Variants in RDH10 observed in about 807,000 individuals in gnomAD.
RDH10 encodes retinol dehydrogenase 10 (all-trans).
A neutral mutation model predicts 30.2 loss-of-function variants in RDH10; 12 were observed. The ratio of observed to expected loss-of-function variants is 0.40; its 90% CI spans 0.25 to 0.64. The LOEUF is 0.64. Ranked by LOEUF, RDH10 falls within the 30% of genes least tolerant of loss-of-function variation. The pLI is 0.43. For missense variants in RDH10, 268 were observed against 445.2 expected (o/e 0.60, Z 3.58); for synonymous variants, 189 against 172.2 (o/e 1.10, Z -0.76).
rs888466679 is a variant in RDH10 at position 73,294,948 on chromosome 8, C to T, written c.-342C>T. The T allele has an allele frequency of 5.1e-6, 2 of 393,078 alleles. No individual in the cohort carries two copies. Among genetic ancestry groups the T allele is most frequent in the Non-Finnish European group, 9.0e-6 (2 of 222,534 alleles). 24.3% of individuals were successfully genotyped at this position (393,078 alleles called of 1,614,324 possible). A position where few individuals can be genotyped will look rare whatever the true frequency, so the allele number is the denominator to read the frequency against. The stretch of plus-strand genomic sequence containing the variant: ...CAGCAGCTTGGCCATGAGGGCAGTT[C>T]GAGTAGTCTAACTCGCGGCTGTCAC... On this transcript the variant is annotated 5_prime_UTR_variant, in exon 1 of 6. An upstream open reading frame in the 5' UTR gains an earlier in-frame stop. Transcript: ENST00000240285.
chr8:73,300,310 CAG>C (rs1466816725), intron 2 of RDH10: 1 of 152,294 alleles, frequency 6.6e-6, no homozygotes, highest in East Asian at 1.9e-4. Context: ...AATTTTTTAA[CAG>C]GGGTTAAGGA....
At chr8:73,313,266 C>G (rs550331655) in intron 2 of RDH10, 1 of 152,316 alleles carries the variant, frequency 6.6e-6, no homozygotes, top group East Asian at 1.9e-4. Flanking sequence ...AAAGATTTCT[C>G]GAGCTATGAC....
At position 73,323,046 on chromosome 8, in the gene RDH10, T is replaced by G; in HGVS notation, c.*10T>G. 1 of 1,605,382 alleles carries G rather than the reference T, an allele frequency of 6.2e-7. No individual in the cohort carries two copies. The highest frequency in any genetic ancestry group is 1.1e-5 in the South Asian group (1 of 90,844). On this transcript the variant is annotated 3_prime_UTR_variant, in exon 6 of 6. Coordinates refer to ENST00000240285, the MANE Select transcript of RDH10 (RefSeq NM_172037.5). ...AAAAAATGGAATCTAAGAATCTTTTTGTATGGAATATTACTTCTATCAGAA... is the reference window on the plus strand; with the variant it reads ...AAAAAATGGAATCTAAGAATCTTTTGGTATGGAATATTACTTCTATCAGAA...
chr8:73,313,476 T>A (rs79101641), intron 2 of RDH10: 1 of 152,118 alleles, frequency 6.6e-6, no homozygotes, highest in Non-Finnish European at 1.5e-5. Flanking sequence ...TTTTTTTTTT[T>A]AATCACACAG....
At chr8:73,317,554 A>G (rs1814694571) in intron 2 of RDH10, among the ~76,000 whole-genome samples, 1 of 152,156 alleles carries the variant, frequency 6.6e-6, no homozygotes, top group Non-Finnish European at 1.5e-5. Context: ...TGTATGAATA[A>G]TTGGTGGGAG....
intron 2 of RDH10, among the ~76,000 whole-genome samples, chr8:73,304,248 A>G (rs1814430468): frequency 6.6e-6 from 1 of 152,188 alleles, no homozygotes; most frequent in African/African-American, 2.4e-5. Flanking sequence ...CCTGGTCACC[A>G]GGCTTAGAAA....
chr8:73,314,950 A>G lies in RDH10; in HGVS notation c.526-4146A>G, dbSNP rs189566842. On this transcript the variant is annotated intron_variant, in intron 2 of 5. Coordinates refer to ENST00000240285, the MANE Select transcript of RDH10 (RefSeq NM_172037.5). ...CATTGACTCACCTGTGCTTTACAGA[A>G]CAAAACAAATAATCTCCCTCTCAAA... Among the ~76,000 whole-genome samples the G allele has an allele frequency of 1.4e-4, 21 of 152,296 alleles. No individual in the cohort carries two copies. In the East Asian group the frequency reaches 4.1e-3, roughly 29 times the overall value.
In RDH10 at chr8:73,323,998, C is replaced by T. The variant is rs1467263773; in HGVS notation, c.*962C>T. ...ATATACTTCATTAAGTGTCTGGAGA[C>T]CTAATTATCCTAAAAGATCATACAT... On this transcript the variant is annotated 3_prime_UTR_variant, in exon 6 of 6. Transcript: ENST00000240285. 1 of 152,552 alleles carries T rather than the reference C, an allele frequency of 6.6e-6. No homozygotes were observed. The highest frequency in any genetic ancestry group is 2.4e-5 in the African/African-American group (1 of 41,434). 9.4% of individuals were successfully genotyped at this position (152,552 alleles called of 1,614,324 possible).
chr8:73,295,600 G>A (rs1051487273), intron 1 of RDH10, 22 bp downstream of exon 1: 5 of 1,471,600 alleles, frequency 3.4e-6, no homozygotes, highest in Non-Finnish European at 4.5e-6. Context: ...CCGCGCGGGA[G>A]CATTGTTGGG....
chr8:73,301,119 C>T (rs553663732), intron 2 of RDH10, among the ~76,000 whole-genome samples: 21 of 136,820 alleles, frequency 1.5e-4, no homozygotes, highest in African/African-American at 5.3e-4. Flanking sequence ...GGCGCGATCT[C>T]GGCTCACTGC....
At chr8:73,302,009 C>T (rs1814387982) in intron 2 of RDH10, among the ~76,000 whole-genome samples, 1 of 152,192 alleles carries the variant, frequency 6.6e-6, no homozygotes, top group African/African-American at 2.4e-5. Flanking sequence ...GAATGTGTAA[C>T]AGCCATTCAT....
At chr8:73,321,740 T>A (rs1814773486) in intron 4 of RDH10, 1 of 448,912 alleles carries the variant, frequency 2.2e-6, no homozygotes, top group African/African-American at 2.0e-5. Context: ...ACATGCTTAC[T>A]TTTATCTTTG....
intron 2 of RDH10, among the ~76,000 whole-genome samples, chr8:73,301,392 T>C (rs933702593): frequency 2.0e-5 from 3 of 151,710 alleles, no homozygotes; most frequent in African/African-American, 7.3e-5. Flanking sequence ...TTGATAATAA[T>C]AGGCTTAAAT....
At chr8:73,316,161 C>A (rs1422047461) in intron 2 of RDH10, among the ~76,000 whole-genome samples, 1 of 152,066 alleles carries the variant, frequency 6.6e-6, no homozygotes, top group African/African-American at 2.4e-5. Context: ...AGACTACAGG[C>A]ACACACCACT....
In RDH10 at chr8:73,294,613, G is replaced by A. The variant is rs1449252296; in HGVS notation, c.-677G>A. ...CGTGGAGCCCGCTCAGAGCCGGCCC[G>A]GAGCGCTCTGACTTGCAAGCGGGCT... On this transcript the variant is annotated 5_prime_UTR_variant, in exon 1 of 6. Coordinates refer to ENST00000240285, the MANE Select transcript of RDH10 (RefSeq NM_172037.5). 1.0e-5 allele frequency: 3 copies of A among 291,754 alleles called. No individual in the cohort carries two copies. The highest frequency in any genetic ancestry group is 6.3e-6 in the Non-Finnish European group (1 of 157,930). 18.1% of individuals were successfully genotyped at this position (291,754 alleles called of 1,614,324 possible).
At chr8:73,299,378 G>A (rs780840865) in intron 2 of RDH10, among the ~76,000 whole-genome samples, 2 of 152,144 alleles carry the variant, frequency 1.3e-5, no homozygotes, top group Non-Finnish European at 2.9e-5. Flanking sequence ...ACTTGACATA[G>A]AATTTATCAA....
In RDH10 at chr8:73,315,063, A is replaced by G. The variant is rs117006371; in HGVS notation, c.526-4033A>G. On this transcript the variant is annotated intron_variant, in intron 2 of 5. Coordinates refer to ENST00000240285, the MANE Select transcript of RDH10 (RefSeq NM_172037.5). ...ATTTCTCCAAATGTTTATAGCCCAC[A>G]GTTGGAAAAGATTTTTTTCACATAG... Among the ~76,000 whole-genome samples the G allele has an allele frequency of 2.0e-5, 3 of 152,182 alleles. No individual in the cohort carries two copies. In the South Asian group the frequency reaches 6.2e-4, roughly 32 times the overall value.
At chr8:73,304,232 G>T (rs1227882750) in intron 2 of RDH10, among the ~76,000 whole-genome samples, 1 of 152,122 alleles carries the variant, frequency 6.6e-6, no homozygotes, top group Non-Finnish European at 1.5e-5. Flanking sequence ...GCTCCTTCTT[G>T]CATTCCCTGG....
chr8:73,318,018 C>G (rs1814704212), intron 2 of RDH10, among the ~76,000 whole-genome samples: 1 of 147,618 alleles, frequency 6.8e-6, no homozygotes, highest in African/African-American at 2.5e-5. Context: ...GAAGGGAATG[C>G]AGCTCTTCCT....
Sources: gnomAD v4.1 joint callset for allele counts (sites outside exome capture counted in the v4.1 genomes callset) on GRCh38, gnomAD v4.1.1 for gene constraint, MANE v1.5 for transcripts, NCBI Gene and HGNC (gene_info 2026-07-23, HGNC 2026-07-21) for gene names.